Variants in ASXL2 observed in about 807,000 individuals in gnomAD.
ASXL2 encodes ASXL transcriptional regulator 2.
In ASXL2, 23 loss-of-function variants were observed where a neutral mutation model predicts 122.0. That is an observed-to-expected ratio of 0.19 (90% CI 0.14 to 0.27). The LOEUF (loss-of-function observed/expected upper bound fraction) is 0.27. Ranked by LOEUF, ASXL2 falls within the 10% of genes least tolerant of loss-of-function variation. The probability of loss-of-function intolerance (pLI) is 1.00; values close to 1 mark genes in which losing one functional copy is unlikely to be tolerated. For synonymous variants in ASXL2, 650 were observed against 637.0 expected, an observed-to-expected ratio of 1.02 and a Z score of -0.31; for missense variants, 1,518 against 1,713.8, an observed-to-expected ratio of 0.89 and a Z score of 2.02.
intron 5 of ASXL2, among the ~76,000 whole-genome samples, chr2:25,787,837 C>G (rs2088773221): frequency 6.6e-6 from 1 of 152,050 alleles, no homozygotes; most frequent in Non-Finnish European, 1.5e-5. Flanking sequence ...AAAATCATAG[C>G]AGGTTGAGGG....
intron 1 of ASXL2, among the ~76,000 whole-genome samples, chr2:25,848,686 T>C (rs552908271): frequency 5.6e-4 from 85 of 152,130 alleles, no homozygotes; most frequent in African/African-American, 1.9e-3. Context: ...GTCTTTTTAG[T>C]AAGGATTTCA....
Position 25,743,530 on chromosome 2 carries a change from T to C in ASXL2, c.2807A>G (p.Asn936Ser), listed in dbSNP as rs2087877035. 1 of 1,613,842 alleles carries C rather than the reference T, an allele frequency of 6.2e-7. No individual in the cohort carries two copies. Among genetic ancestry groups the C allele is most frequent in the African/African-American group, 1.3e-5 (1 of 74,904 alleles). ...AGAGGTTGGTCTTAAAGTGGGTCCA[T>C]TCATGTTTAAAGAAGTTCCTGGGGT... is the stretch of plus-strand genomic sequence containing the variant. Reference protein sequence around the residue: ...LKTPGTSLNMNGPTLRPTSSI... With the variant: ...LKTPGTSLNMSGPTLRPTSSI... Residue 936 changes from asparagine to serine, a missense_variant, in exon 13 of 13, where the codon AAT (asparagine) becomes AGT (serine). By Grantham distance (46) the Asn-to-Ser change is conservative. This residue lies in a region of ASXL2 where 831 missense variants were observed against 833.1 expected (regional missense o/e 1.00). Transcript: ENST00000435504.
At chr2:25,847,607 C>A (rs1248703907) in intron 1 of ASXL2, among the ~76,000 whole-genome samples, 7 of 152,140 alleles carry the variant, frequency 4.6e-5, no homozygotes, top group Non-Finnish European at 1.0e-4. Context: ...AAGGCCCATA[C>A]AGAAAACTTC....
intron 4 of ASXL2, among the ~76,000 whole-genome samples, chr2:25,803,085 T>C (rs964658811): frequency 4.6e-5 from 7 of 152,174 alleles, no homozygotes; most frequent in Non-Finnish European, 8.8e-5. Context: ...TGAGCTGAAA[T>C]TGCACTGCTG....
intron 5 of ASXL2, among the ~76,000 whole-genome samples, chr2:25,784,239 A>G (rs1163000705): frequency 2.0e-5 from 3 of 152,186 alleles, no homozygotes; most frequent in Non-Finnish European, 2.9e-5. Context: ...TGACAGAGTA[A>G]GACCCTGTCT....
intron 4 of ASXL2, among the ~76,000 whole-genome samples, chr2:25,805,459 T>C (rs147158640): frequency 8.5e-5 from 13 of 152,206 alleles, no homozygotes; most frequent in African/African-American, 2.9e-4. Context: ...TGTAATCATA[T>C]TTCTTTTTCC....
intron 3 of ASXL2, among the ~76,000 whole-genome samples, chr2:25,820,379 C>T (rs1559520418): frequency 6.6e-6 from 1 of 151,922 alleles, no homozygotes; most frequent in Non-Finnish European, 1.5e-5. Flanking sequence ...TGCAATATAC[C>T]ATATAAAGTT....
Position 25,751,635 on chromosome 2 carries a change from G to GA in ASXL2, c.1143-1223dup, listed in dbSNP as rs1347207684. On this transcript the variant is annotated intron_variant, in intron 11 of 12. Transcript: ENST00000435504. ...AGGGACAGAGTGGGACCCTGTCTTT[G>GA]AAAAAAAAAAAAGAAAAAGAGAAAA... Among the ~76,000 whole-genome samples the GA allele has an allele frequency of 1.1e-3, 133 of 126,628 alleles. 1 individual carries two copies. Among genetic ancestry groups the GA allele is most frequent in the South Asian group, 5.8e-3 (24 of 4,130 alleles). 83.1% of individuals were successfully genotyped at this position (126,628 alleles called of 152,430 possible). A position where few individuals can be genotyped will look rare whatever the true frequency, so the allele number is the denominator to read the frequency against.
chr2:25,874,130 GTC>G (rs1559534660), intron 1 of ASXL2, among the ~76,000 whole-genome samples: 1 of 152,128 alleles, frequency 6.6e-6, no homozygotes, highest in Non-Finnish European at 1.5e-5. Flanking sequence ...GATCACTTGA[GTC>G]CAGGAGTTCA....
chr2:25,860,726 G>T (rs1438108318), intron 1 of ASXL2, among the ~76,000 whole-genome samples: 1 of 40,332 alleles, frequency 2.5e-5, no homozygotes, highest in Non-Finnish European at 4.6e-5. Context: ...AAAAAAAAAA[G>T]ATCTATGCTG....
intron 5 of ASXL2, among the ~76,000 whole-genome samples, chr2:25,792,128 C>G (rs1011996148): frequency 3.3e-5 from 5 of 152,208 alleles, no homozygotes; most frequent in Non-Finnish European, 7.3e-5. Context: ...TACCAAGTAG[C>G]TGGGACTACA....
intron 5 of ASXL2, among the ~76,000 whole-genome samples, chr2:25,788,792 TAAC>T (rs2088787847): frequency 6.6e-6 from 1 of 152,184 alleles, no homozygotes; most frequent in African/African-American, 2.4e-5. Context: ...TTTTTCTTAC[TAAC>T]TTGTAGGAGT....
At chr2:25,773,665 CAAA>C (rs55641820) in intron 5 of ASXL2, among the ~76,000 whole-genome samples, 1 of 135,764 alleles carries the variant, frequency 7.4e-6, no homozygotes. Context: ...GACTCCATCT[CAAA>C]AAAAAAAAAA....
intron 10 of ASXL2, among the ~76,000 whole-genome samples, chr2:25,753,961 A>C (rs1036066391): frequency 3.3e-5 from 5 of 152,148 alleles, no homozygotes; most frequent in Admixed American, 2.6e-4. Flanking sequence ...TAGAACTTCC[A>C]ATTTATTTTC....
chr2:25,799,294 A>C, intron 5 of ASXL2, 91 bp downstream of exon 5: 1 of 1,559,606 alleles, frequency 6.4e-7, no homozygotes, highest in South Asian at 1.1e-5. Context: ...AAAGTGACTG[A>C]CTGACCTGGA....
At chr2:25,763,860 C>A (rs6753192) in intron 8 of ASXL2, among the ~76,000 whole-genome samples, 48,658 of 151,998 alleles carry the variant, frequency 0.32, 8,316 homozygotes, top group African/African-American at 0.41. Flanking sequence ...ATTTGATTTT[C>A]AAGTCTGTTG....
intron 3 of ASXL2, among the ~76,000 whole-genome samples, chr2:25,820,873 A>G (rs932885394): frequency 6.6e-6 from 1 of 152,104 alleles, no homozygotes; most frequent in Non-Finnish European, 1.5e-5. Context: ...AAATGTAAAA[A>G]TTAAGAAATC....
chr2:25,796,069 C>T (rs1039255368), intron 5 of ASXL2, among the ~76,000 whole-genome samples: 4 of 152,168 alleles, frequency 2.6e-5, no homozygotes, highest in Admixed American at 2.6e-4. Context: ...TCTCTGATTA[C>T]AAAGTTCGCT....
intron 1 of ASXL2, among the ~76,000 whole-genome samples, chr2:25,849,222 G>A (rs562111302): frequency 6.7e-6 from 1 of 150,368 alleles, no homozygotes; most frequent in Admixed American, 6.6e-5. Context: ...CAGATCACTT[G>A]AGGCCAGAAG....
Sources: gnomAD v4.1 joint callset for allele counts (sites outside exome capture counted in the v4.1 genomes callset) on GRCh38, gnomAD v4.1.1 for gene constraint, gnomAD v4.1.1 regional missense constraint, MANE v1.5 for transcripts, NCBI Gene and HGNC (gene_info 2026-07-23, HGNC 2026-07-21) for gene names.